GFRA1: variants seen among roughly 807,000 people sequenced by gnomAD.
The protein encoded by GFRA1 is GDNF family receptor alpha 1.
Under a neutral mutation model 51.6 loss-of-function variants are expected in GFRA1, and 16 were observed. The observed-to-expected ratio is 0.31, with a 90% CI of 0.21 to 0.47. GFRA1 has a LOEUF of 0.47. Among genes scored for constraint, GFRA1 ranks in the 20% least tolerant of loss-of-function variants. GFRA1 has a pLI of 1.00. For missense variants in GFRA1, 530 were observed against 594.3 expected (o/e 0.89, Z 1.13); for synonymous variants, 270 against 241.3 (o/e 1.12, Z -1.10).
chr10:116,084,761 AACACACACACACACACACACACACACAC>A (rs5788130), intron 9 of GFRA1, among the ~76,000 whole-genome samples: 42 of 140,088 alleles, frequency 3.0e-4, no homozygotes, highest in South Asian at 2.5e-4. Context: ...TTAAATAAGT[AACACACACACACACACACACACACACAC>A]ACACACACAC....
In GFRA1 at chr10:116,125,540, C is replaced by T. The variant is rs758642456; in HGVS notation, c.451G>A (p.Gly151Arg). Residue 151 changes from glycine to arginine, a missense_variant, in exon 6 of 11, where the codon GGG becomes AGG. By Grantham distance (125) the Gly-to-Arg change is moderately radical. Coordinates refer to ENST00000355422, the MANE Select transcript of GFRA1 (RefSeq NM_005264.8). ...VFQQVEHIPKGNNCLDAAKAC... is the reference protein window; with the variant it reads ...VFQQVEHIPKRNNCLDAAKAC... ...TTCGCTGCATCCAGGCAGTTGTTCC[C>T]TTTGGGAATGTGCTCCACTGCAAAT... is the stretch of plus-strand genomic sequence containing the variant. 11 of 1,613,514 alleles carry T rather than the reference C, an allele frequency of 6.8e-6. No homozygotes were observed. Among genetic ancestry groups the T allele is most frequent in the South Asian group, 2.2e-5 (2 of 90,936 alleles).
chr10:116,136,624 T>A (rs938001272), intron 5 of GFRA1, among the ~76,000 whole-genome samples: 2 of 152,204 alleles, frequency 1.3e-5, no homozygotes, highest in Admixed American at 6.5e-5. Flanking sequence ...TATGTACTTG[T>A]CAACTAGCAT....
chr10:116,128,260 A>T (rs960455425), intron 5 of GFRA1, among the ~76,000 whole-genome samples: 4 of 152,322 alleles, frequency 2.6e-5, no homozygotes, highest in African/African-American at 9.6e-5. Context: ...GTTTGTATTT[A>T]TGTGTGTTGT....
chr10:116,154,389 A>T (rs1374363807), intron 5 of GFRA1, among the ~76,000 whole-genome samples: 2 of 152,250 alleles, frequency 1.3e-5, no homozygotes, highest in African/African-American at 4.8e-5. Context: ...ATTAAAATTA[A>T]CAAATTATTG....
At chr10:116,151,440 A>T (rs1023799414) in intron 5 of GFRA1, among the ~76,000 whole-genome samples, 2 of 152,182 alleles carry the variant, frequency 1.3e-5, no homozygotes, top group Admixed American at 1.3e-4. Context: ...GCACCCCACT[A>T]CATCACCACC....
intron 9 of GFRA1, among the ~76,000 whole-genome samples, chr10:116,082,237 C>T (rs769528549): frequency 1.6e-4 from 24 of 151,984 alleles, no homozygotes; most frequent in Non-Finnish European, 3.2e-4. Flanking sequence ...CAAGTCACAG[C>T]TCCAAGAGGC....
At chr10:116,127,484 C>T (rs1957927016) in intron 5 of GFRA1, among the ~76,000 whole-genome samples, 1 of 152,140 alleles carries the variant, frequency 6.6e-6, no homozygotes, top group African/African-American at 2.4e-5. Flanking sequence ...CATCAGAGTC[C>T]AAGAAATTTG....
intron 5 of GFRA1, among the ~76,000 whole-genome samples, chr10:116,166,379 C>A (rs1304744096): frequency 6.6e-6 from 1 of 152,206 alleles, no homozygotes; most frequent in Non-Finnish European, 1.5e-5. Flanking sequence ...ACCGCACTGT[C>A]TTCCACAATG....
chr10:116,174,244 T>C (rs1961358800), intron 5 of GFRA1, among the ~76,000 whole-genome samples: 1 of 152,176 alleles, frequency 6.6e-6, no homozygotes, highest in Non-Finnish European at 1.5e-5. Flanking sequence ...TTTTGGTCTA[T>C]ATAAATTTGC....
At chr10:116,267,124 G>A (rs187472931) in intron 4 of GFRA1, among the ~76,000 whole-genome samples, 2 of 152,106 alleles carry the variant, frequency 1.3e-5, no homozygotes, top group East Asian at 3.9e-4. Context: ...CTAGGCGACA[G>A]ATCAAGACCC....
At position 116,240,314 on chromosome 10, in the gene GFRA1, T is replaced by C. The variant is rs1967251734; in HGVS notation, c.419-28669A>G. Among the ~76,000 whole-genome samples the C allele has an allele frequency of 2.6e-5, 4 of 151,952 alleles. No individual in the cohort carries two copies. The South Asian group carries it at 8.3e-4, about 31-fold the overall frequency. On this transcript the variant is annotated intron_variant, in intron 4 of 10. Coordinates refer to ENST00000355422, the MANE Select transcript of GFRA1 (RefSeq NM_005264.8). ...GAAGACCTCTCAACGCCGTGCTCCATGGCTGAACTTCATCCTAGCTTCACC... is the reference window on the plus strand; with the variant it reads ...GAAGACCTCTCAACGCCGTGCTCCACGGCTGAACTTCATCCTAGCTTCACC...
chr10:116,207,311 A>C (rs1373281574), intron 5 of GFRA1, among the ~76,000 whole-genome samples: 2 of 151,408 alleles, frequency 1.3e-5, no homozygotes, highest in Admixed American at 6.6e-5. Flanking sequence ...CTGGCCATAG[A>C]TGAGTTCAGT....
intron 9 of GFRA1, among the ~76,000 whole-genome samples, chr10:116,088,099 C>T (rs1306516834): frequency 6.6e-6 from 1 of 152,010 alleles, no homozygotes; most frequent in African/African-American, 2.4e-5. Flanking sequence ...GATGGAGAAC[C>T]AGAAGGACAA....
At chr10:116,072,944 ATC>A (rs1260060203) in intron 9 of GFRA1, among the ~76,000 whole-genome samples, 1 of 152,014 alleles carries the variant, frequency 6.6e-6, no homozygotes, top group African/African-American at 2.4e-5. Flanking sequence ...GCTGTGGACA[ATC>A]TCTTAGCCTC....
In GFRA1 at chr10:116,221,219, G is replaced by A. The variant is rs572419614; in HGVS notation, c.419-9574C>T. Among the ~76,000 whole-genome samples the A allele has an allele frequency of 3.0e-4, 46 of 152,208 alleles. 1 individual carries two copies. The South Asian group carries it at 3.7e-3, about 12-fold the overall frequency. ...GATAAAGAAACACAGGCCCACAAAG[G>A]TTAACTAAAGCTGCCAAAGGTCAAA... On this transcript the variant is annotated intron_variant, in intron 4 of 10. Transcript: ENST00000355422.
chr10:116,246,495 T>C (rs949578434), intron 4 of GFRA1, among the ~76,000 whole-genome samples: 1 of 152,128 alleles, frequency 6.6e-6, no homozygotes, highest in Non-Finnish European at 1.5e-5. Flanking sequence ...TACTACCTGC[T>C]CAATTTTTCT....
intron 5 of GFRA1, among the ~76,000 whole-genome samples, chr10:116,188,516 T>C (rs1222938000): frequency 6.6e-6 from 1 of 152,124 alleles, no homozygotes; most frequent in South Asian, 2.1e-4. Context: ...TTTGGGATGA[T>C]GAAAAAGTCC....
chr10:116,101,903 TAC>T (rs1956830847), intron 6 of GFRA1, among the ~76,000 whole-genome samples: 1 of 152,124 alleles, frequency 6.6e-6, no homozygotes, highest in Non-Finnish European at 1.5e-5. Flanking sequence ...ACCTCAGAAA[TAC>T]AGTCTATGGA....
rs187448781 is a variant in GFRA1, at chr10:116,172,597, G to A, written c.433+39034C>T. ...GGGGGCAGAGGGTTCAGAGAAGGAG[G>A]GCTAGGCTGAACGGGATGAATGCAG... On this transcript the variant is annotated intron_variant, in intron 5 of 10. Coordinates refer to ENST00000355422, the MANE Select transcript of GFRA1 (RefSeq NM_005264.8). Among the ~76,000 whole-genome samples, 173 of 152,278 alleles carry A rather than the reference G, an allele frequency of 1.1e-3. 2 individuals carry two copies. Among genetic ancestry groups the A allele is most frequent in the Admixed American group, 9.5e-3 (146 of 15,302 alleles).
Sources: gnomAD v4.1 joint callset for allele counts (sites outside exome capture counted in the v4.1 genomes callset) on GRCh38, gnomAD v4.1.1 for gene constraint, MANE v1.5 for transcripts, NCBI Gene and HGNC (gene_info 2026-07-23, HGNC 2026-07-21) for gene names.